ZFAT: variants seen among roughly 807,000 people sequenced by gnomAD.
The protein encoded by ZFAT is zinc finger and AT-hook domain containing.
Under a neutral mutation model 117.7 loss-of-function variants are expected in ZFAT, and 64 were observed. That is an observed-to-expected ratio of 0.54 (90% CI 0.44 to 0.67). The LOEUF (loss-of-function observed/expected upper bound fraction) is 0.67. Ranked by LOEUF, ZFAT falls within the 30% of genes least tolerant of loss-of-function variation. The probability of loss-of-function intolerance (pLI) is 0.00; values close to 1 mark genes in which losing one functional copy is unlikely to be tolerated. For missense variants in ZFAT, 1,433 were observed against 1,584.5 expected (o/e 0.90, Z 1.62); for synonymous variants, 679 against 615.0 (o/e 1.10, Z -1.54).
At chr8:134,596,498 A>G (rs1452722592) in intron 7 of ZFAT, among the ~76,000 whole-genome samples, 1 of 152,230 alleles carries the variant, frequency 6.6e-6, no homozygotes, top group African/African-American at 2.4e-5. Flanking sequence ...ATGCTTCATA[A>G]TTTTTGAAAA....
the ZFAT span, among the ~76,000 whole-genome samples, chr8:134,771,348 C>T: frequency 6.6e-6 from 1 of 152,194 alleles, no homozygotes; most frequent in Admixed American, 6.5e-5. Context: ...ATGCCTTTAA[C>T]AGCACCCAAG....
Position 134,478,839 on chromosome 8 carries a change from C to A in ZFAT, c.3493-118G>T. The A allele has an allele frequency of 1.1e-5, 15 of 1,399,974 alleles. No individual in the cohort carries two copies. Among genetic ancestry groups the A allele is most frequent in the Non-Finnish European group, 1.4e-5 (15 of 1,045,458 alleles). The allele number at this position is 1,399,974 out of a possible 1,614,324, so 86.7% of individuals were successfully genotyped here. On this transcript the variant is annotated intron_variant, in intron 15 of 15. Transcript: ENST00000377838. The surrounding 1 kb of genome is among the most constrained non-coding windows in gnomAD (Gnocchi z 5.2). Reference sequence around the variant, plus strand: ...TGCGCTGCGGGAGCACGTCCATTCTCCACGGATCCTCTCTACCAGGCTGTG... The same window carrying A: ...TGCGCTGCGGGAGCACGTCCATTCTACACGGATCCTCTCTACCAGGCTGTG...
In ZFAT at chr8:134,610,537, G is replaced by A; in HGVS notation, c.567C>T (p.Ala189=). 6.2e-7 allele frequency: 1 copy of A among 1,614,142 alleles called. No individual in the cohort carries two copies. Residue 189 remains alanine, a synonymous_variant, in exon 4 of 16, where the codon GCC becomes GCT. Coordinates refer to ENST00000377838, the MANE Select transcript of ZFAT (RefSeq NM_020863.4). ...GTTTCTTCGCCCCAGAAAGCTGTCT[G>A]GCCTCCTTTCCTGAGATCTTCTGGA... ...EKVQKISGKE[A]RQLSGAKKPI...
the ZFAT span, among the ~76,000 whole-genome samples, chr8:134,803,892 A>G: frequency 1.3e-5 from 2 of 152,234 alleles, no homozygotes. Flanking sequence ...CAAGACCTTT[A>G]TCTTTTGGTG....
intron 7 of ZFAT, chr8:134,599,603 C>A: frequency 2.7e-6 from 1 of 372,306 alleles, no homozygotes; most frequent in Non-Finnish European, 5.2e-6. Context: ...AAACACCTGA[C>A]TTTACCCTTA....
intron 2 of ZFAT, among the ~76,000 whole-genome samples, chr8:134,643,548 C>T (rs1830709805): frequency 6.6e-6 from 1 of 152,178 alleles, no homozygotes; most frequent in African/African-American, 2.4e-5. Context: ...AGGTCAGTAT[C>T]TTATCTCTCT....
At chr8:134,490,517 C>T (rs921645373) in intron 15 of ZFAT, among the ~76,000 whole-genome samples, 8 of 152,232 alleles carry the variant, frequency 5.3e-5, no homozygotes, top group Non-Finnish European at 1.0e-4. Flanking sequence ...CAAAAGATGC[C>T]TGTGCCTTCA....
At chr8:134,815,566 C>T in the ZFAT span, among the ~76,000 whole-genome samples, 1 of 152,182 alleles carries the variant, frequency 6.6e-6, no homozygotes, top group Admixed American at 6.5e-5. Context: ...AAAATCCATT[C>T]TTCTTATTGT....
intron 3 of ZFAT, among the ~76,000 whole-genome samples, chr8:134,625,185 G>A (rs1029428263): frequency 6.6e-6 from 1 of 152,244 alleles, no homozygotes; most frequent in Non-Finnish European, 1.5e-5. Context: ...GGGAAGAACA[G>A]GCAGGCACCT....
chr8:134,610,590 T>C lies in ZFAT; in HGVS notation c.514A>G (p.Arg172Gly), dbSNP rs1367053351. Residue 172 changes from arginine to glycine, a missense_variant, in exon 4 of 16, where the codon AGA becomes GGA. Physicochemically the swap from Arg to Gly is moderately radical, Grantham distance 125 (BLOSUM62 -2). Coordinates refer to ENST00000377838, the MANE Select transcript of ZFAT (RefSeq NM_020863.4). ...KEDDREKASK[R>G]PRSQKTEKVQ... ...TTCTCTGTTTTCTGTGACCGTGGTC[T>C]TTTCGAGGCTTTTTCCCGATCATCT... The C allele has an allele frequency of 5.0e-6, 8 of 1,614,222 alleles. No individual in the cohort carries two copies. Among genetic ancestry groups the C allele is most frequent in the Non-Finnish European group, 6.8e-6 (8 of 1,180,034 alleles).
chr8:134,533,069 T>C (rs1244860987), intron 11 of ZFAT, 97 bp from the exon 12 acceptor site: 37 of 1,497,004 alleles, frequency 2.5e-5, no homozygotes, highest in Non-Finnish European at 3.1e-5. Flanking sequence ...CCTGAAAGCC[T>C]GAGATGAGCA....
intron 2 of ZFAT, among the ~76,000 whole-genome samples, chr8:134,651,458 T>C (rs1831236136): frequency 6.6e-6 from 1 of 152,230 alleles, no homozygotes; most frequent in African/African-American, 2.4e-5. Context: ...TGGAATTAGG[T>C]AGTTGTAGAA....
intron 13 of ZFAT, among the ~76,000 whole-genome samples, chr8:134,514,587 T>G (rs1214573693): frequency 3.3e-5 from 5 of 152,190 alleles, no homozygotes; most frequent in Non-Finnish European, 7.3e-5. Context: ...ATCAGCCTAC[T>G]GTACAGAGCA....
At chr8:134,634,395 T>C (rs1314452828) in intron 3 of ZFAT, among the ~76,000 whole-genome samples, 1 of 152,204 alleles carries the variant, frequency 6.6e-6, no homozygotes, top group Non-Finnish European at 1.5e-5. Flanking sequence ...TATTTTCTGT[T>C]TCATTACAGG....
the ZFAT span, among the ~76,000 whole-genome samples, chr8:134,769,304 T>C: frequency 6.6e-6 from 1 of 152,334 alleles, no homozygotes; most frequent in South Asian, 2.1e-4. Flanking sequence ...GGTATAGCCA[T>C]TGGGTAAATA....
chr8:134,726,961 T>A, the ZFAT span, among the ~76,000 whole-genome samples: 1 of 152,012 alleles, frequency 6.6e-6, no homozygotes, highest in South Asian at 2.1e-4. Flanking sequence ...GATCAATCAT[T>A]ATTTTAGAGA....
chr8:134,518,671 A>G (rs1279282354), intron 13 of ZFAT, among the ~76,000 whole-genome samples: 1 of 151,748 alleles, frequency 6.6e-6, no homozygotes, highest in Non-Finnish European at 1.5e-5. Context: ...TTTTTTCTAT[A>G]TAAAAAAATA....
the ZFAT span, chr8:134,766,596 C>T: frequency 6.6e-6 from 1 of 152,198 alleles, no homozygotes; most frequent in Admixed American, 6.5e-5. Context: ...TGGATACATT[C>T]ATCTACTGTA....
chr8:134,549,070 G>A (rs889120123), intron 11 of ZFAT, among the ~76,000 whole-genome samples: 2 of 152,158 alleles, frequency 1.3e-5, no homozygotes, highest in East Asian at 3.8e-4. Context: ...TCTACCCAGG[G>A]TCACCCAGTA....
Sources: gnomAD v4.1 joint callset for allele counts (sites outside exome capture counted in the v4.1 genomes callset) on GRCh38, gnomAD v4.1.1 for gene constraint, Gnocchi (gnomAD v3.1) non-coding constraint, MANE v1.5 for transcripts, NCBI Gene and HGNC (gene_info 2026-07-23, HGNC 2026-07-21) for gene names.